The following NOS3 variants were observed in gnomAD, a reference collection of about 807,000 sequenced individuals.
NOS3 encodes nitric oxide synthase 3.
In NOS3, 98 loss-of-function variants were observed where a neutral mutation model predicts 144.9. That is an observed-to-expected ratio of 0.68 (90% CI 0.57 to 0.80). NOS3 has a LOEUF of 0.80. Ranked by LOEUF, NOS3 falls within the 30% of genes least tolerant of loss-of-function variation. The pLI, the probability that NOS3 is intolerant of heterozygous loss-of-function variation, is 0.00. For missense variants in NOS3, 1,465 were observed against 1,656.4 expected (o/e 0.88, Z 2.01); for synonymous variants, 714 against 702.4 (o/e 1.02, Z -0.26).
At position 151,001,309 on chromosome 7, in the gene NOS3, AG is replaced by A. The variant is rs749517498; in HGVS notation, c.1319del (p.Gly440AlafsTer64). ...MKHLENEQKA[R>X]GGCPADWAWI... ...GCACCTGGAGAATGAGCAGAAGGCC[AG>A]GGGGGGCTGCCCTGCAGACTGGGCC... On this transcript the variant is annotated frameshift_variant, in exon 11 of 27. Coordinates refer to ENST00000297494, the MANE Select transcript of NOS3 (RefSeq NM_000603.5). LOFTEE classifies it high-confidence loss of function. 8 of 1,613,488 alleles carry A rather than the reference AG, an allele frequency of 5.0e-6. No homozygotes were observed. Among genetic ancestry groups the A allele is most frequent in the Admixed American group, 3.3e-5 (2 of 59,982 alleles).
chr7:151,006,758 A>G, intron 15 of NOS3, 131 bp from the exon 16 acceptor site: 1 of 785,748 alleles, frequency 1.3e-6, no homozygotes, highest in Non-Finnish European at 2.1e-6. Context: ...GCTGGCCCTC[A>G]GCCCCTCCCA....
In NOS3 at chr7:150,993,136, G is replaced by A. The variant is rs1584894153; in HGVS notation, c.-51-617G>A. 6.6e-6 allele frequency among the ~76,000 whole-genome samples: 1 copy of A among 152,178 alleles called. No individual in the cohort carries two copies. ...CCCACTTGAGTCATGGGGGTGTGGG[G>A]GTTCCAGGAAATTGGGGCTGGGAGG... is the stretch of plus-strand genomic sequence containing the variant. On this transcript the variant is annotated intron_variant, in intron 1 of 26. Coordinates refer to ENST00000297494, the MANE Select transcript of NOS3 (RefSeq NM_000603.5). This position sits in a 1 kb window ranked among gnomAD's most constrained non-coding sequence, Gnocchi z 4.0.
Position 151,009,096 on chromosome 7 carries a change from C to G in NOS3, c.2245+34C>G, listed in dbSNP as rs905719620. 2.5e-6 allele frequency: 4 copies of G among 1,612,898 alleles called. No homozygotes were observed. In the African/African-American group the frequency reaches 5.3e-5, roughly 22 times the overall value. ...TGCCCTCACCCTAACCCGGCTGGTTCTCTGAGGCCCCCACACCCCGGGACT... is the reference window on the plus strand; with the variant it reads ...TGCCCTCACCCTAACCCGGCTGGTTGTCTGAGGCCCCCACACCCCGGGACT... On this transcript the variant is annotated intron_variant, in intron 18 of 26. Coordinates refer to ENST00000297494, the MANE Select transcript of NOS3 (RefSeq NM_000603.5).
At position 150,998,530 on chromosome 7, in the gene NOS3, G is replaced by C. The variant is rs754555631; in HGVS notation, c.675-9G>C. 18 of 1,610,796 alleles carry C rather than the reference G, an allele frequency of 1.1e-5. No homozygotes were observed. The highest frequency in any genetic ancestry group is 1.7e-6 in the Non-Finnish European group (2 of 1,179,298). On this transcript the variant is annotated splice_polypyrimidine_tract_variant and intron_variant, in intron 6 of 26. Coordinates refer to ENST00000297494, the MANE Select transcript of NOS3 (RefSeq NM_000603.5). This position sits in a 1 kb window ranked among gnomAD's most constrained non-coding sequence, Gnocchi z 5.0. ...GGGCTCTGACCAGCTCTTTCCCCAT[G>C]CGTGCCAGCTCGGCCATCACAGTGT...
rs1161928654 is a variant in NOS3, at chr7:151,010,672, G to A, written c.2761G>A (p.Val921Met). 6.2e-7 allele frequency: 1 copy of A among 1,608,834 alleles called. No homozygotes were observed. The highest frequency in any genetic ancestry group is 2.2e-5 in the East Asian group (1 of 44,612). Residue 921 changes from valine to methionine, a missense_variant, in exon 22 of 27, where the codon GTG becomes ATG. Val to Met is a conservative substitution (Grantham distance 21). Coordinates refer to ENST00000297494, the MANE Select transcript of NOS3 (RefSeq NM_000603.5). Reference sequence around the variant, plus strand: ...GGAGGTGCTGGAGCAGTTCCCGTCGGTGGCGCTGCCTGCCCCACTGCTCCT... The same window carrying A: ...GGAGGTGCTGGAGCAGTTCCCGTCGATGGCGCTGCCTGCCCCACTGCTCCT... ...LLEVLEQFPSVALPAPLLLTQ... is the reference protein window; with the variant it reads ...LLEVLEQFPSMALPAPLLLTQ...
chr7:151,006,830 G>A, intron 15 of NOS3, 59 bp from the exon 16 acceptor site: 2 of 1,369,432 alleles, frequency 1.5e-6, no homozygotes, highest in Admixed American at 1.7e-5. Flanking sequence ...GGCTGGGGCT[G>A]GGCCTAGCCT....
At chr7:150,997,026 T>C in intron 5 of NOS3, 101 bp downstream of exon 5, 2 of 1,338,456 alleles carry the variant, frequency 1.5e-6, no homozygotes, top group South Asian at 1.4e-5. Flanking sequence ...GGTCCCAAAC[T>C]GTGGGGGAGA....
intron 4 of NOS3, 24 bp downstream of exon 4, chr7:150,996,576 G>T: frequency 6.3e-7 from 1 of 1,577,140 alleles, no homozygotes. Context: ...GGACGCCACA[G>T]CCTCCCTTGT....
intron 2 of NOS3, 130 bp from the exon 3 acceptor site, chr7:150,995,073 G>C: frequency 1.7e-6 from 1 of 575,156 alleles, no homozygotes; most frequent in South Asian, 2.4e-5. Flanking sequence ...AAGGCATGGG[G>C]AACGCCAGAA....
At chr7:151,008,874 A>G (rs1432795270) in intron 17 of NOS3, 56 bp from the exon 18 acceptor site, 7 of 1,547,152 alleles carry the variant, frequency 4.5e-6, no homozygotes, top group Non-Finnish European at 6.1e-6. Context: ...CAGGCGCCTC[A>G]CTAGGGCGAC....
rs986965428 is a variant in NOS3, at chr7:150,993,367, G to A, written c.-51-386G>A. The stretch of plus-strand genomic sequence containing the variant: ...GGCTGCCATCCCCTGCTACAGAAAC[G>A]GTGCTCACCTTCTGCCCAACCCTCC... On this transcript the variant is annotated intron_variant, in intron 1 of 26. Transcript: ENST00000297494. This position sits in a 1 kb window ranked among gnomAD's most constrained non-coding sequence, Gnocchi z 4.0. 7.2e-5 allele frequency among the ~76,000 whole-genome samples: 11 copies of A among 152,132 alleles called. No homozygotes were observed. The highest frequency in any genetic ancestry group is 1.2e-4 in the Non-Finnish European group (8 of 68,018).
At position 151,006,000 on chromosome 7, in the gene NOS3, C is replaced by A. The variant is rs562226950; in HGVS notation, c.1753-427C>A. On this transcript the variant is annotated intron_variant, in intron 14 of 26. Transcript: ENST00000297494. Reference sequence around the variant, plus strand: ...TGGAGCCACTGCACCCCAACCTGGGCGACAGAGCAAGACCCATATCTAAAA... The same window carrying A: ...TGGAGCCACTGCACCCCAACCTGGGAGACAGAGCAAGACCCATATCTAAAA... Among the ~76,000 whole-genome samples, 5 of 152,280 alleles carry A rather than the reference C, an allele frequency of 3.3e-5. No individual in the cohort carries two copies. In the East Asian group the frequency reaches 9.6e-4, roughly 29 times the overall value.
rs376724956 is a variant in NOS3 at position 150,996,846 on chromosome 7, G to T, written c.503G>T (p.Ser168Ile). ...ACAGGCACCTACCAGCTTAGGGAGA[G>T]CGAGCTGGTGTTCGGGGCTAAGCAG... The part of the protein sequence containing the change: ...AATGTYQLRE[S>I]ELVFGAKQAW... Residue 168 changes from serine to isoleucine, a missense_variant, in exon 5 of 27, where the codon AGC becomes ATC. By Grantham distance (142) the Ser-to-Ile change is moderately radical. Transcript: ENST00000297494. 3.1e-6 allele frequency: 5 copies of T among 1,606,468 alleles called. No homozygotes were observed. Among genetic ancestry groups the T allele is most frequent in the Non-Finnish European group, 4.2e-6 (5 of 1,177,316 alleles).
intron 9 of NOS3, 37 bp from the exon 10 acceptor site, chr7:151,000,459 CCT>C (rs757757357): frequency 7.7e-7 from 1 of 1,302,066 alleles, no homozygotes; most frequent in Non-Finnish European, 1.1e-6. Flanking sequence ...CCCGTGATCA[CCT>C]CTGTCCCTAC....
At chr7:151,012,238 T>G in intron 23 of NOS3, 113 bp from the exon 24 acceptor site, 5 of 781,348 alleles carry the variant, frequency 6.4e-6, no homozygotes, top group Non-Finnish European at 9.2e-6. Context: ...TTTTTTTTAA[T>G]TTTTTTTTGA....
chr7:151,000,452 G>A (rs747973135), intron 9 of NOS3, 46 bp from the exon 10 acceptor site: 119 of 1,220,446 alleles, frequency 9.8e-5, no homozygotes, highest in East Asian at 2.1e-4. Flanking sequence ...CCCCACCCCC[G>A]TGATCACCTC....
Position 151,014,423 on chromosome 7 carries a change from C to T in NOS3, c.*254C>T, listed in dbSNP as rs571644639. 9 of 471,506 alleles carry T rather than the reference C, an allele frequency of 1.9e-5. No homozygotes were observed. The highest frequency in any genetic ancestry group is 1.5e-4 in the Admixed American group (4 of 26,536). The allele number at this position is 471,506 out of a possible 1,614,324, so 29.2% of individuals were successfully genotyped here. A position where few individuals can be genotyped will look rare whatever the true frequency, so the allele number is the denominator to read the frequency against. ...AGCAGCGGTACCCCAGGGCCTACTG[C>T]CACCCGCTTCCTGTTTCTTAGTCGA... On this transcript the variant is annotated 3_prime_UTR_variant, in exon 27 of 27. Coordinates refer to ENST00000297494, the MANE Select transcript of NOS3 (RefSeq NM_000603.5).
Position 150,998,359 on chromosome 7 carries a change from G to A in NOS3, c.585G>A (p.Val195=). 1 of 1,611,340 alleles carries A rather than the reference G, an allele frequency of 6.2e-7. No individual in the cohort carries two copies. ...TCCCGCTGCCTCGGCTGGCTCAGGTGTTCGATGCCCGGGACTGCAGGTCTG... is the reference window on the plus strand; with the variant it reads ...TCCCGCTGCCTCGGCTGGCTCAGGTATTCGATGCCCGGGACTGCAGGTCTG... ...VGRIQWGKLQ[V]FDARDCRSAQ... Residue 195 remains valine (V), a splice_region_variant and synonymous_variant, in exon 6 of 27, where the codon GTG becomes GTA. Coordinates refer to ENST00000297494, the MANE Select transcript of NOS3 (RefSeq NM_000603.5). This position sits in a 1 kb window ranked among gnomAD's most constrained non-coding sequence, Gnocchi z 5.0.
At chr7:151,009,313 C>T (rs759626731) in intron 19 of NOS3, 46 bp downstream of exon 19, 1 of 1,469,854 alleles carries the variant, frequency 6.8e-7, no homozygotes, top group East Asian at 2.4e-5. Context: ...TCCTGAACAC[C>T]CTGACCCTGG....
Sources: allele counts gnomAD v4.1 joint callset (sites outside exome capture counted in the v4.1 genomes callset), GRCh38; gene constraint gnomAD v4.1.1; non-coding constraint Gnocchi (gnomAD v3.1); transcripts MANE v1.5; gene names NCBI Gene and HGNC (gene_info 2026-07-23, HGNC 2026-07-21).